COL25A1: variants seen among roughly 807,000 people sequenced by gnomAD.
The protein encoded by COL25A1 is collagen alpha-1(XXV) chain.
In COL25A1, 103 loss-of-function variants were observed where a neutral mutation model predicts 128.4. The ratio of observed to expected loss-of-function variants is 0.80; its 90% CI spans 0.68 to 0.94. The LOEUF (loss-of-function observed/expected upper bound fraction) is 0.94, where lower values mean the gene tolerates loss of function less well. COL25A1 is among the 40% of genes least tolerant of loss of function. The pLI, the probability that COL25A1 is intolerant of heterozygous loss-of-function variation, is 0.00. For missense variants in COL25A1, 745 were observed against 840.0 expected (o/e 0.89, Z 1.40); for synonymous variants, 279 against 277.2 (o/e 1.01, Z -0.06).
chr4:109,289,309 T>A (rs909876225), intron 3 of COL25A1, among the ~76,000 whole-genome samples: 2 of 152,130 alleles, frequency 1.3e-5, no homozygotes, highest in African/African-American at 4.8e-5. Flanking sequence ...ACTAAAAATA[T>A]GTATGTTTTT....
chr4:109,259,183 G>A (rs542554855), intron 3 of COL25A1, among the ~76,000 whole-genome samples: 8 of 152,112 alleles, frequency 5.3e-5, no homozygotes, highest in East Asian at 3.9e-4. Flanking sequence ...ATTTCTGTGC[G>A]GAGATTATTG....
rs534884034 is a variant in COL25A1 at position 108,864,579 on chromosome 4, T to C, written c.1084-1192A>G. Among the ~76,000 whole-genome samples the C allele has an allele frequency of 5.9e-5, 9 of 152,322 alleles. No homozygotes were observed. The East Asian group carries it at 1.7e-3, about 29-fold the overall frequency. ...GTCCTCAAGGAGCTAGTGATCTAGT[T>C]AGGCAGACAAGAGCTGCAGAACCAA... On this transcript the variant is annotated intron_variant, in intron 20 of 37. Coordinates refer to ENST00000399132, the MANE Select transcript of COL25A1 (RefSeq NM_198721.4).
chr4:109,162,522 T>C (rs763605635), intron 3 of COL25A1, among the ~76,000 whole-genome samples: 1 of 152,234 alleles, frequency 6.6e-6, no homozygotes, highest in Non-Finnish European at 1.5e-5. Context: ...AAATCATTTT[T>C]ATTTACCTAC....
chr4:109,145,103 C>T (rs183084269), intron 3 of COL25A1, among the ~76,000 whole-genome samples: 5,965 of 137,492 alleles, frequency 0.043, 158 homozygotes, highest in Non-Finnish European at 0.063. Flanking sequence ...GAGTCTCACT[C>T]TGTTGCCCAG....
chr4:109,269,025 G>A (rs1781993237), intron 3 of COL25A1, among the ~76,000 whole-genome samples: 1 of 150,918 alleles, frequency 6.6e-6, no homozygotes, highest in Admixed American at 6.6e-5. Context: ...CTGGTGTGCT[G>A]CACCCACTAA....
At chr4:109,102,263 T>C (rs577917567) in intron 3 of COL25A1, among the ~76,000 whole-genome samples, 10 of 152,268 alleles carry the variant, frequency 6.6e-5, no homozygotes, top group African/African-American at 2.4e-4. Context: ...ATTACTCTTG[T>C]GATTTTTTTC....
intron 3 of COL25A1, among the ~76,000 whole-genome samples, chr4:109,152,190 T>C (rs1771568984): frequency 6.6e-6 from 1 of 152,042 alleles, no homozygotes; most frequent in Non-Finnish European, 1.5e-5. Flanking sequence ...ATCTCAATAA[T>C]GAACCCCAAA....
intron 19 of COL25A1, among the ~76,000 whole-genome samples, chr4:108,877,431 G>A (rs1739574427): frequency 6.6e-6 from 1 of 151,940 alleles, no homozygotes. Context: ...CTTTCCTCTT[G>A]TGTCCATAAA....
chr4:109,059,582 A>G (rs1252404538), intron 3 of COL25A1, among the ~76,000 whole-genome samples: 2 of 152,206 alleles, frequency 1.3e-5, no homozygotes, highest in African/African-American at 4.8e-5. Flanking sequence ...CCAACAGCTA[A>G]TAAAGTTCTA....
intron 3 of COL25A1, among the ~76,000 whole-genome samples, chr4:109,089,073 G>A (rs544214617): frequency 6.6e-6 from 1 of 152,200 alleles, no homozygotes; most frequent in Non-Finnish European, 1.5e-5. Context: ...AGCACCTGAA[G>A]AGGAGGGCTG....
chr4:109,010,289 T>C lies in COL25A1; in HGVS notation c.438+69A>G, dbSNP rs997386168. The stretch of plus-strand genomic sequence containing the variant: ...AGCTTTTTTATATCTTTTGAAAGAA[T>C]TGCAGAAAGACCTCCACACTGGGAA... On this transcript the variant is annotated intron_variant, in intron 6 of 37. Coordinates refer to ENST00000399132, the MANE Select transcript of COL25A1 (RefSeq NM_198721.4). 4.4e-5 allele frequency: 51 copies of C among 1,163,554 alleles called. 1 individual carries two copies. The highest frequency in any genetic ancestry group is 1.5e-4 in the Admixed American group (6 of 38,774). 72.1% of individuals were successfully genotyped at this position (1,163,554 alleles called of 1,614,324 possible). A position where few individuals can be genotyped will look rare whatever the true frequency, so the allele number is the denominator to read the frequency against.
At chr4:108,879,933 C>T (rs1739919838) in intron 19 of COL25A1, among the ~76,000 whole-genome samples, 1 of 151,972 alleles carries the variant, frequency 6.6e-6, no homozygotes, top group Non-Finnish European at 1.5e-5. Context: ...CTCAGCCTCC[C>T]CACTAGCTGG....
intron 13 of COL25A1, among the ~76,000 whole-genome samples, chr4:108,917,791 C>A (rs1691553563): frequency 6.6e-6 from 1 of 152,088 alleles, no homozygotes; most frequent in Admixed American, 6.6e-5. Context: ...CTTTTGTTAG[C>A]CAATTATTAA....
intron 3 of COL25A1, among the ~76,000 whole-genome samples, chr4:109,072,582 A>C (rs888779362): frequency 7.9e-5 from 12 of 152,168 alleles, no homozygotes; most frequent in Non-Finnish European, 1.3e-4. Flanking sequence ...GGGTCCCCCA[A>C]ATCTGGTGGC....
At chr4:109,149,766 GTA>G (rs944783933) in intron 3 of COL25A1, among the ~76,000 whole-genome samples, 4 of 151,840 alleles carry the variant, frequency 2.6e-5, no homozygotes, top group African/African-American at 7.3e-5. Flanking sequence ...TTTAAAATAT[GTA>G]TATATATATT....
At chr4:109,123,858 T>G (rs1167257167) in intron 3 of COL25A1, among the ~76,000 whole-genome samples, 1 of 152,082 alleles carries the variant, frequency 6.6e-6, no homozygotes, top group East Asian at 1.9e-4. Flanking sequence ...TTGAAACCCC[T>G]GTATCTCCCT....
intron 3 of COL25A1, among the ~76,000 whole-genome samples, chr4:109,105,898 G>A (rs1477280339): frequency 1.3e-5 from 2 of 149,666 alleles, no homozygotes; most frequent in Non-Finnish European, 2.9e-5. Context: ...TATTGAGTAT[G>A]GTTAGTTTCT....
At chr4:109,236,626 C>T (rs555701795) in intron 3 of COL25A1, among the ~76,000 whole-genome samples, 1 of 152,102 alleles carries the variant, frequency 6.6e-6, no homozygotes, top group East Asian at 1.9e-4. Context: ...AAAAGTCATC[C>T]TTATCCAAGA....
chr4:108,864,955 C>T (rs1737707676), intron 20 of COL25A1, among the ~76,000 whole-genome samples: 1 of 152,202 alleles, frequency 6.6e-6, no homozygotes, highest in Non-Finnish European at 1.5e-5. Flanking sequence ...CGATCTTCAA[C>T]TTTTGCATAA....
Sources: gnomAD v4.1 joint callset for allele counts (sites outside exome capture counted in the v4.1 genomes callset) on GRCh38, gnomAD v4.1.1 for gene constraint, MANE v1.5 for transcripts, NCBI Gene and HGNC (gene_info 2026-07-23, HGNC 2026-07-21) for gene names.